The following KCP variants were observed in gnomAD, a reference collection of about 807,000 sequenced individuals.
KCP encodes kielin/chordin-like protein.
A neutral mutation model predicts 212.7 loss-of-function variants in KCP; 194 were observed. The ratio of observed to expected loss-of-function variants is 0.91; its 90% CI spans 0.81 to 1.03. The LOEUF (loss-of-function observed/expected upper bound fraction) is 1.03, where lower values mean the gene tolerates loss of function less well. Among genes scored for constraint, KCP ranks in the 50% least tolerant of loss-of-function variants. KCP has a pLI of 0.00. For synonymous variants in KCP, 833 were observed against 865.3 expected (o/e 0.96, Z 0.65); for missense variants, 2,080 against 2,162.5 (o/e 0.96, Z 0.76).
chr7:128,904,723 C>T (rs575290786), intron 5 of KCP, among the ~76,000 whole-genome samples: 1 of 152,362 alleles, frequency 6.6e-6, no homozygotes, highest in African/African-American at 2.4e-5. Flanking sequence ...GAAAACCAGG[C>T]CCAGACCCCC....
intron 8 of KCP, among the ~76,000 whole-genome samples, chr7:128,902,483 C>T (rs1239813348): frequency 6.6e-6 from 1 of 152,156 alleles, no homozygotes; most frequent in African/African-American, 2.4e-5. Context: ...ACCGTGATTC[C>T]CCTACTCTGG....
chr7:128,888,846 G>A lies in KCP; in HGVS notation c.2512+17C>T. On this transcript the variant is annotated intron_variant, in intron 22 of 39. Coordinates refer to ENST00000610776, the MANE Select transcript of KCP (RefSeq NM_001366122.1). ...GGAGCCCCAGCAGGGGGAATGGAAG[G>A]GCAGGTGTGGCTCTACCCTGGCAGG... 6.5e-7 allele frequency: 1 copy of A among 1,545,356 alleles called. No individual in the cohort carries two copies. Among genetic ancestry groups the A allele is most frequent in the African/African-American group, 1.4e-5 (1 of 73,054 alleles).
Position 128,907,181 on chromosome 7 carries a change from AG to A in KCP, c.410-5del, listed in dbSNP as rs1795165464. Reference sequence around the variant, plus strand: ...GTCTGGCCATTTTGGCTGCAGCCTAAGGAGACAGCAGTGTCACTCAAGCACC... The same window carrying A: ...GTCTGGCCATTTTGGCTGCAGCCTAAGAGACAGCAGTGTCACTCAAGCACC... On this transcript the variant is annotated splice_polypyrimidine_tract_variant and splice_region_variant and intron_variant, in intron 3 of 39. Coordinates refer to ENST00000610776, the MANE Select transcript of KCP (RefSeq NM_001366122.1). The A allele has an allele frequency of 6.4e-7, 1 of 1,550,702 alleles. No homozygotes were observed. The highest frequency in any genetic ancestry group is 2.0e-5 in the Admixed American group (1 of 50,920).
intron 31 of KCP, 140 bp from the exon 32 acceptor site, chr7:128,881,225 A>T (rs1397053202): frequency 1.0e-5 from 4 of 398,990 alleles, no homozygotes; most frequent in Non-Finnish European, 8.8e-6. Context: ...TCTTCAGCCA[A>T]TATCCACAGG....
Position 128,893,970 on chromosome 7 carries a change from A to G in KCP, c.1005+6T>C. 1 of 1,549,422 alleles carries G rather than the reference A, an allele frequency of 6.5e-7. No individual in the cohort carries two copies. Among genetic ancestry groups the G allele is most frequent in the Non-Finnish European group, 8.7e-7 (1 of 1,145,942 alleles). On this transcript the variant is annotated splice_donor_region_variant and intron_variant, in intron 10 of 39. Transcript: ENST00000610776. Reference sequence around the variant, plus strand: ...CAGGCCCTCCCTGCCAGGCAGCCACACTCACAGCACAGCGGCAGTGCGAGC... The same window carrying G: ...CAGGCCCTCCCTGCCAGGCAGCCACGCTCACAGCACAGCGGCAGTGCGAGC...
chr7:128,885,117 T>A lies in KCP; in HGVS notation c.3020A>T (p.Asp1007Val), dbSNP rs751468970. 1.3e-6 allele frequency: 2 copies of A among 1,550,796 alleles called. No individual in the cohort carries two copies. The highest frequency in any genetic ancestry group is 1.2e-5 in the South Asian group (1 of 84,058). ...SCAQPRQGPH[D>V]CCPQCSDCEH... ...AGTACCAGAGCATTGAGGACAGCAG[T>A]CATGGGGCCCTTGGCGGGGCTGGGC... is the stretch of plus-strand genomic sequence containing the variant. Residue 1007 changes from aspartate (D) to valine (V), a missense_variant, in exon 27 of 40, where the codon GAC becomes GTC. Asp to Val is a radical substitution (Grantham distance 152). Coordinates refer to ENST00000610776, the MANE Select transcript of KCP (RefSeq NM_001366122.1).
At position 128,890,502 on chromosome 7, in the gene KCP, G is replaced by A; in HGVS notation, c.2176C>T (p.Gln726Ter). 6.5e-7 allele frequency: 1 copy of A among 1,548,570 alleles called. No individual in the cohort carries two copies. Among genetic ancestry groups the A allele is most frequent in the Non-Finnish European group, 8.7e-7 (1 of 1,146,306 alleles). Residue 726 changes from glutamine to a stop codon, truncating the protein, a stop_gained, in exon 21 of 40, where the codon CAG becomes TAG. Transcript: ENST00000610776. LOFTEE classifies it high-confidence loss of function. ...CCPSCDGCLY[Q>*]GKEFASGERF... ...TCCCCGCTGGCAAACTCCTTCCCCTGGTACAGGCAGCCTGGGGAGAAGGGC... is the reference window on the plus strand; with the variant it reads ...TCCCCGCTGGCAAACTCCTTCCCCTAGTACAGGCAGCCTGGGGAGAAGGGC...
chr7:128,890,581 G>A, intron 20 of KCP, 68 bp from the exon 21 acceptor site: 9 of 1,423,036 alleles, frequency 6.3e-6, no homozygotes, highest in Non-Finnish European at 8.5e-6. Context: ...GTGGTCGTGG[G>A]GTTGAGGGGC....
chr7:128,882,590 GTCT>G (rs1793397109), intron 29 of KCP, among the ~76,000 whole-genome samples: 6 of 152,304 alleles, frequency 3.9e-5, no homozygotes, highest in Admixed American at 3.3e-4. Flanking sequence ...ATCAATGTTA[GTCT>G]TCTTCCCTTC....
In KCP at chr7:128,877,790, C is replaced by T. The variant is rs766047357; in HGVS notation, c.4312G>A (p.Val1438Ile). 58 of 1,545,058 alleles carry T rather than the reference C, an allele frequency of 3.8e-5. 1 individual carries two copies. The South Asian group carries it at 6.5e-4, about 17-fold the overall frequency. ...CGGCCAGGCCACAGCCCCTCTGAGA[C>T]CTGGGTGGGGAGAGCAGCCCTGACG... is the stretch of plus-strand genomic sequence containing the variant. Reference protein sequence around the residue: ...SEAAFGNSWQVSEGLWPGRPC... With the variant: ...SEAAFGNSWQISEGLWPGRPC... Residue 1438 changes from valine (V) to isoleucine (I), a missense_variant and splice_region_variant, in exon 39 of 40, where the codon GTC becomes ATC. Val to Ile is a conservative substitution (Grantham distance 29). Transcript: ENST00000610776.
intron 8 of KCP, among the ~76,000 whole-genome samples, chr7:128,898,374 A>G (rs932338738): frequency 3.3e-5 from 5 of 152,140 alleles, no homozygotes; most frequent in Admixed American, 2.0e-4. Flanking sequence ...ACTCTTAACT[A>G]TACAACTTGC....
intron 8 of KCP, among the ~76,000 whole-genome samples, chr7:128,895,170 A>G (rs915828300): frequency 5.9e-5 from 9 of 152,204 alleles, no homozygotes; most frequent in Non-Finnish European, 1.2e-4. Context: ...GTATGCACTT[A>G]TGCACTTTGT....
At chr7:128,903,886 T>C in intron 6 of KCP, 66 bp from the exon 7 acceptor site, 1 of 1,289,758 alleles carries the variant, frequency 7.8e-7, no homozygotes, top group South Asian at 1.3e-5. Context: ...TGGGCGGGTG[T>C]TGGGCACCCT....
chr7:128,883,151 T>G (rs1462616159), intron 29 of KCP, among the ~76,000 whole-genome samples: 1 of 151,530 alleles, frequency 6.6e-6, no homozygotes, highest in Non-Finnish European at 1.5e-5. Context: ...CTTTCTTTTT[T>G]TTTTTTTGAG....
chr7:128,893,749 A>G, intron 11 of KCP, 57 bp downstream of exon 11: 1 of 1,510,256 alleles, frequency 6.6e-7, no homozygotes. Flanking sequence ...CCCCACACCT[A>G]CAGCCTCTCT....
At chr7:128,909,621 C>T (rs1409029219) in intron 1 of KCP, among the ~76,000 whole-genome samples, 1 of 152,122 alleles carries the variant, frequency 6.6e-6, no homozygotes. Flanking sequence ...CATCTCCATT[C>T]AGAAGGCTGA....
intron 9 of KCP, 58 bp downstream of exon 9, chr7:128,894,142 A>C: frequency 6.6e-7 from 1 of 1,509,544 alleles, no homozygotes; most frequent in Non-Finnish European, 8.9e-7. Context: ...AGGGCCACCC[A>C]TCAATTTTCT....
At chr7:128,886,796 G>A in intron 24 of KCP, 59 bp from the exon 25 acceptor site, 1 of 1,505,264 alleles carries the variant, frequency 6.6e-7, no homozygotes, top group South Asian at 1.2e-5. Flanking sequence ...GCTCGGCCCA[G>A]CCTTAGGCCT....
At chr7:128,887,158 C>T in intron 23 of KCP, 57 bp downstream of exon 23, 1 of 1,443,430 alleles carries the variant, frequency 6.9e-7, no homozygotes, top group Non-Finnish European at 9.5e-7. Flanking sequence ...CTCTTCCTGG[C>T]CAGAGAGGAG....
Sources: allele counts gnomAD v4.1 joint callset (sites outside exome capture counted in the v4.1 genomes callset), GRCh38; gene constraint gnomAD v4.1.1; transcripts MANE v1.5; gene names NCBI Gene and HGNC (gene_info 2026-07-23, HGNC 2026-07-21).